Variants in ADGRV1 observed in about 807,000 individuals in gnomAD.
ADGRV1 encodes G-protein coupled receptor 98.
ADGRV1 carries 359 observed loss-of-function variants against 596.2 expected under a neutral mutation model. The observed-to-expected ratio is 0.60, with a 90% CI of 0.55 to 0.66. The LOEUF (loss-of-function observed/expected upper bound fraction) is 0.66. ADGRV1 is among the 30% of genes least tolerant of loss of function. ADGRV1 has a pLI of 0.00. For missense variants in ADGRV1, 7,274 were observed against 7,575.6 expected (o/e 0.96, Z 1.48); for synonymous variants, 2,681 against 2,679.2 (o/e 1.00, Z -0.02).
At chr5:90,637,137 C>T (rs1766315810) in intron 10 of ADGRV1, among the ~76,000 whole-genome samples, 1 of 152,114 alleles carries the variant, frequency 6.6e-6, no homozygotes, top group Non-Finnish European at 1.5e-5. Context: ...AGCTTTATTT[C>T]ACATGAGAAA....
chr5:90,706,313 A>G lies in ADGRV1; in HGVS notation c.8649A>G (p.Glu2883=), dbSNP rs780865426. Residue 2883 remains glutamate, a synonymous_variant, in exon 38 of 90, where the codon GAA becomes GAG. Transcript: ENST00000405460. ...NQTVGNLAEP[E]VDFVPIIGFL... ...CAGTAGGAAACCTAGCAGAGCCAGA[A>G]GTTGATTTTGTCCCTATCATTGGCT... The G allele has an allele frequency of 1.9e-6, 3 of 1,613,440 alleles. No individual in the cohort carries two copies. Among genetic ancestry groups the G allele is most frequent in the African/African-American group, 1.3e-5 (1 of 74,918 alleles).
intron 75 of ADGRV1, among the ~76,000 whole-genome samples, chr5:90,820,536 T>G (rs1581226543): frequency 6.6e-6 from 1 of 152,116 alleles, no homozygotes; most frequent in South Asian, 2.1e-4. Context: ...TTTGGCATGA[T>G]TTTGCAGCGG....
intron 29 of ADGRV1, among the ~76,000 whole-genome samples, chr5:90,687,303 T>A (rs560189588): frequency 1.8e-4 from 28 of 152,326 alleles, no homozygotes; most frequent in African/African-American, 6.7e-4. Flanking sequence ...ATGTCCTGAA[T>A]GGTAATGCCT....
At chr5:90,606,285 C>T (rs1762099181) in intron 1 of ADGRV1, among the ~76,000 whole-genome samples, 1 of 152,106 alleles carries the variant, frequency 6.6e-6, no homozygotes, top group African/African-American at 2.4e-5. Flanking sequence ...TTTTCTATAC[C>T]ATGCTTTTCC....
At chr5:90,612,840 C>T (rs186253971) in intron 1 of ADGRV1, among the ~76,000 whole-genome samples, 1 of 152,164 alleles carries the variant, frequency 6.6e-6, no homozygotes, top group East Asian at 1.9e-4. Flanking sequence ...TGTATGTTCA[C>T]TCCAAGACAC....
chr5:90,706,367 A>G lies in ADGRV1; in HGVS notation c.8703A>G (p.Ala2901=). 1 of 1,610,780 alleles carries G rather than the reference A, an allele frequency of 6.2e-7. No individual in the cohort carries two copies. The stretch of plus-strand genomic sequence containing the variant: ...TGATTTTAGAAGAAGGGGAAACAGC[A>G]GCAGCCATCAACATTACCATTCTTG... ...GFLILEEGET[A]AAINITILED... The change falls in exon 38 of 90, where the codon GCA becomes GCG. Residue 2901 remains alanine (A), a synonymous_variant. Transcript: ENST00000405460.
At chr5:90,807,453 T>G (rs1435351601) in intron 72 of ADGRV1, 149 bp from the exon 73 acceptor site, 3 of 680,458 alleles carry the variant, frequency 4.4e-6, no homozygotes, top group Non-Finnish European at 6.9e-6. Flanking sequence ...AGTTTACCTC[T>G]CCCCCGACCC....
chr5:90,727,568 G>C (rs1751966978), intron 48 of ADGRV1, among the ~76,000 whole-genome samples: 1 of 152,162 alleles, frequency 6.6e-6, no homozygotes, highest in Admixed American at 6.6e-5. Context: ...ACCACTCAAT[G>C]ATTTGCAATT....
chr5:90,658,520 C>T (rs1015485074), intron 21 of ADGRV1, among the ~76,000 whole-genome samples: 6 of 152,104 alleles, frequency 3.9e-5, no homozygotes, highest in African/African-American at 9.7e-5. Context: ...TTTAGCAATT[C>T]GCCTGAAAGT....
chr5:90,653,145 C>T, intron 19 of ADGRV1, 64 bp from the exon 20 acceptor site: 1 of 1,392,148 alleles, frequency 7.2e-7, no homozygotes, highest in Non-Finnish European at 9.6e-7. Flanking sequence ...ATTCTTTTTT[C>T]TTCACATTAT....
chr5:91,018,769 T>TA (rs1426410378), intron 85 of ADGRV1, among the ~76,000 whole-genome samples: 4 of 152,050 alleles, frequency 2.6e-5, no homozygotes, highest in Non-Finnish European at 5.9e-5. Context: ...GGATTCATGC[T>TA]AATACAAATG....
At chr5:91,118,566 T>C (rs1429653556) in intron 87 of ADGRV1, among the ~76,000 whole-genome samples, 1 of 152,078 alleles carries the variant, frequency 6.6e-6, no homozygotes. Flanking sequence ...GAGAATGAGC[T>C]CAGAGCAGCA....
intron 1 of ADGRV1, among the ~76,000 whole-genome samples, chr5:90,607,832 T>C (rs575596784): frequency 1.3e-5 from 2 of 152,268 alleles, no homozygotes; most frequent in East Asian, 3.9e-4. Context: ...GTCATCAGTT[T>C]AGTCTCATAA....
At chr5:90,688,657 G>T (rs1288502838) in intron 29 of ADGRV1, among the ~76,000 whole-genome samples, 1 of 152,158 alleles carries the variant, frequency 6.6e-6, no homozygotes, top group Non-Finnish European at 1.5e-5. Flanking sequence ...CACTGAGCTT[G>T]TAGACTTTGC....
chr5:90,819,150 G>C (rs1763219042), intron 75 of ADGRV1, among the ~76,000 whole-genome samples: 1 of 152,014 alleles, frequency 6.6e-6, no homozygotes, highest in South Asian at 2.1e-4. Context: ...TTGGGAGAGT[G>C]TATGTGTCAA....
At chr5:90,831,931 G>C (rs1402451161) in intron 77 of ADGRV1, among the ~76,000 whole-genome samples, 1 of 152,090 alleles carries the variant, frequency 6.6e-6, no homozygotes. Flanking sequence ...TGGCTTAATA[G>C]TACTGCATTG....
intron 83 of ADGRV1, among the ~76,000 whole-genome samples, chr5:90,958,804 A>G: frequency 6.6e-6 from 1 of 152,216 alleles, no homozygotes; most frequent in Non-Finnish European, 1.5e-5. Context: ...CTTCAAATAC[A>G]GTTACATACT....
chr5:91,079,856 A>G (rs746966753), intron 86 of ADGRV1, among the ~76,000 whole-genome samples: 2 of 152,158 alleles, frequency 1.3e-5, no homozygotes, highest in Non-Finnish European at 2.9e-5. Context: ...GACAGAGGGC[A>G]TAGAGCATGG....
At chr5:90,875,956 T>C (rs1769183503) in intron 83 of ADGRV1, among the ~76,000 whole-genome samples, 1 of 152,210 alleles carries the variant, frequency 6.6e-6, no homozygotes. Flanking sequence ...AATATGGCTA[T>C]AAATATCAAG....
Sources: gnomAD v4.1 joint callset for allele counts (sites outside exome capture counted in the v4.1 genomes callset) on GRCh38, gnomAD v4.1.1 for gene constraint, MANE v1.5 for transcripts, NCBI Gene and HGNC (gene_info 2026-07-23, HGNC 2026-07-21) for gene names.